Variants in MYLK2 observed in about 807,000 individuals in gnomAD.
MYLK2 encodes myosin light chain kinase 2.
Under a neutral mutation model 58.2 loss-of-function variants are expected in MYLK2, and 27 were observed. The ratio of observed to expected loss-of-function variants is 0.46; its 90% confidence interval spans 0.34 to 0.64. The LOEUF (loss-of-function observed/expected upper bound fraction) is 0.64, where lower values mean the gene tolerates loss of function less well. Among genes scored for constraint, MYLK2 ranks in the 30% least tolerant of loss-of-function variants. The probability of loss-of-function intolerance (pLI) is 0.01; values close to 1 mark genes in which losing one functional copy is unlikely to be tolerated. For missense variants in MYLK2, 676 were observed against 764.3 expected (o/e 0.88, Z 1.36); for synonymous variants, 310 against 296.7 (o/e 1.04, Z -0.46).
At chr20:31,831,190 C>A in intron 10 of MYLK2, 49 bp downstream of exon 10, 1 of 1,612,952 alleles carries the variant, frequency 6.2e-7, no homozygotes, top group South Asian at 1.1e-5. Context: ...GGCATGGGGG[C>A]GAGCGGCCGA....
chr20:31,831,014 T>C lies in MYLK2; in HGVS notation c.1297T>C (p.Tyr433His). The stretch of plus-strand genomic sequence containing the variant: ...CTCAGCCCTTGGTCTCACCCCCAGG[T>C]ATAACCCCAACGAGAAGCTGAAGGT... ...KIIDFGLARR[Y>H]NPNEKLKVNF... The change falls in exon 10 of 13, where the codon TAT becomes CAT. Residue 433 changes from tyrosine to histidine, a missense_variant and splice_region_variant. Physicochemically the swap from Tyr to His is moderately conservative, Grantham distance 83 (BLOSUM62 2). Transcript: ENST00000375985. 1 of 1,614,090 alleles carries C rather than the reference T, an allele frequency of 6.2e-7. No individual in the cohort carries two copies. Among genetic ancestry groups the C allele is most frequent in the Non-Finnish European group, 8.5e-7 (1 of 1,180,006 alleles).
chr20:31,833,664 A>T, intron 12 of MYLK2, 53 bp from the exon 13 acceptor site: 4 of 1,508,904 alleles, frequency 2.7e-6, no homozygotes, highest in Non-Finnish European at 2.8e-6. Flanking sequence ...GACACCCTGC[A>T]GCTGCCCCCC....
At chr20:31,826,199 G>A (rs2062278553) in intron 6 of MYLK2, among the ~76,000 whole-genome samples, 1 of 152,184 alleles carries the variant, frequency 6.6e-6, no homozygotes. Context: ...AGACAACTAA[G>A]GCAAGTAGAC....
At chr20:31,820,627 A>G (rs1244898384) in intron 3 of MYLK2, 81 bp downstream of exon 3, 1 of 1,517,948 alleles carries the variant, frequency 6.6e-7, no homozygotes, top group Non-Finnish European at 9.0e-7. Flanking sequence ...TGTCTTAGGC[A>G]TGGTTATCAT....
chr20:31,831,712 C>A lies in MYLK2; in HGVS notation c.1434C>A (p.Gly478=), dbSNP rs751850447. Residue 478 remains glycine, a synonymous_variant, in exon 11 of 13, where the codon GGC becomes GGA. Coordinates refer to ENST00000375985, the MANE Select transcript of MYLK2 (RefSeq NM_033118.4). ...TATCCCCTCCCTCTAGGCTGAGCGG[C>A]CTCTCCCCCTTCCTGGGAGATGATG... ...MGVITYMLLS[G]LSPFLGDDDT... The A allele has an allele frequency of 1.2e-6, 2 of 1,614,124 alleles. No individual in the cohort carries two copies. Among genetic ancestry groups the A allele is most frequent in the East Asian group, 2.2e-5 (1 of 44,868 alleles).
At chr20:31,824,692 G>A (rs2062269900) in intron 6 of MYLK2, 1 of 534,640 alleles carries the variant, frequency 1.9e-6, no homozygotes, top group Non-Finnish European at 2.4e-6. Flanking sequence ...AGTGAAGTGG[G>A]TGTGGTCTCC....
rs770118334 is a variant in MYLK2 at position 31,831,184 on chromosome 20, TG to T, written c.1424+48del. 1.4e-5 allele frequency: 22 copies of T among 1,613,380 alleles called. No homozygotes were observed. In the African/African-American group the frequency reaches 2.5e-4, roughly 19 times the overall value. ...TCGTGTTTATGGGGTTGGTGGGGCATGGGGGCGAGCGGCCGAGGCCAAGATT... is the reference window on the plus strand; with the variant it reads ...TCGTGTTTATGGGGTTGGTGGGGCATGGGGCGAGCGGCCGAGGCCAAGATT... On this transcript the variant is annotated intron_variant, in intron 10 of 12. Coordinates refer to ENST00000375985, the MANE Select transcript of MYLK2 (RefSeq NM_033118.4).
Position 31,824,282 on chromosome 20 carries a change from C to T in MYLK2, c.902C>T (p.Thr301Ile). 1 of 1,613,716 alleles carries T rather than the reference C, an allele frequency of 6.2e-7. No individual in the cohort carries two copies. Among genetic ancestry groups the T allele is most frequent in the South Asian group, 1.1e-5 (1 of 90,966 alleles). ...LGGGKFGAVC[T>I]CMEKATGLKL... ...AGTGGCAAGTTTGGGGCAGTCTGTA[C>T]CTGCATGGAGAAAGCCACAGGCCTC... is the stretch of plus-strand genomic sequence containing the variant. The change falls in exon 6 of 13, where the codon ACC becomes ATC. Residue 301 changes from threonine (T) to isoleucine (I), a missense_variant. This residue lies in a region of MYLK2 where 370 missense variants were observed against 467.8 expected (regional missense o/e 0.79). Transcript: ENST00000375985.
intron 6 of MYLK2, among the ~76,000 whole-genome samples, chr20:31,826,026 G>A (rs1485862638): frequency 1.3e-5 from 2 of 152,180 alleles, no homozygotes; most frequent in Admixed American, 1.3e-4. Flanking sequence ...GAGGGCGCGA[G>A]AGTAAGGGAA....
chr20:31,829,883 C>A (rs1317208843), intron 8 of MYLK2, among the ~76,000 whole-genome samples: 1 of 152,224 alleles, frequency 6.6e-6, no homozygotes, highest in East Asian at 1.9e-4. Context: ...CTTACAGTAA[C>A]GTCATCCATG....
intron 6 of MYLK2, among the ~76,000 whole-genome samples, chr20:31,826,045 G>A (rs761067507): frequency 2.0e-5 from 3 of 152,130 alleles, no homozygotes; most frequent in African/African-American, 4.8e-5. Context: ...AAGAACTTAG[G>A]ATGGCTCGTA....
At chr20:31,828,370 G>A (rs1170681203) in intron 8 of MYLK2, 13 of 985,268 alleles carry the variant, frequency 1.3e-5, no homozygotes, top group African/African-American at 1.0e-4. Flanking sequence ...GTGGAGGCGC[G>A]TGAGCACCCA....
chr20:31,819,381 C>T lies in MYLK2; in HGVS notation c.-96C>T. 1.5e-6 allele frequency: 1 copy of T among 677,516 alleles called. No homozygotes were observed. The highest frequency in any genetic ancestry group is 2.6e-6 in the Non-Finnish European group (1 of 383,186). 42.0% of individuals were successfully genotyped at this position (677,516 alleles called of 1,614,324 possible). On this transcript the variant is annotated 5_prime_UTR_variant, in exon 1 of 13. Coordinates refer to ENST00000375985, the MANE Select transcript of MYLK2 (RefSeq NM_033118.4). Reference sequence around the variant, plus strand: ...ACAACTGCCCAGGACTGCTCCTGAGCAGCCGCTGGGAGACAGACGGCAACC... The same window carrying T: ...ACAACTGCCCAGGACTGCTCCTGAGTAGCCGCTGGGAGACAGACGGCAACC...
chr20:31,823,949 C>T (rs1431588272), intron 5 of MYLK2: 4 of 985,338 alleles, frequency 4.1e-6, no homozygotes, highest in Non-Finnish European at 4.8e-6. Context: ...AAGGTGCCCT[C>T]CCCCAGGGCC....
chr20:31,820,536 A>G lies in MYLK2; in HGVS notation c.463A>G (p.Ile155Val), dbSNP rs140233643. 12 of 1,600,998 alleles carry G rather than the reference A, an allele frequency of 7.5e-6. 1 individual carries two copies. The highest frequency in any genetic ancestry group is 4.4e-5 in the South Asian group (4 of 91,084). ...TCTGCATAGCCCCAGCTGTCCTGCC[A>G]TCATCTCCAGGTGAATATCCCCTCC... is the stretch of plus-strand genomic sequence containing the variant. ...AFLHSPSCPA[I>V]ISSSEKLLAK... The change falls in exon 3 of 13, where the codon ATC becomes GTC. Residue 155 changes from isoleucine to valine, a missense_variant. Ile to Val is a conservative substitution (Grantham distance 29, BLOSUM62 3). Around this residue, in one of 2 missense-constraint regions of MYLK2, gnomAD observed 306 missense variants for 296.5 expected, o/e 1.03. Transcript: ENST00000375985.
intron 12 of MYLK2, among the ~76,000 whole-genome samples, chr20:31,832,619 A>T (rs2062312836): frequency 6.6e-6 from 1 of 151,958 alleles, no homozygotes; most frequent in South Asian, 2.1e-4. Flanking sequence ...CAGCCTTCCA[A>T]GTAGCTGGGA....
rs1379600137 is a variant in MYLK2 at position 31,820,335 on chromosome 20, G to A, written c.262G>A (p.Glu88Lys). 6.2e-7 allele frequency: 1 copy of A among 1,613,002 alleles called. No homozygotes were observed. Among genetic ancestry groups the A allele is most frequent in the Admixed American group, 1.7e-5 (1 of 60,028 alleles). Reference protein sequence around the residue: ...GEGDRGGGPAEGSAGPPAALP... With the variant: ...GEGDRGGGPAKGSAGPPAALP... The stretch of plus-strand genomic sequence containing the variant: ...GGGTGACAGGGGCGGGGGGCCCGCG[G>A]AGGGCAGTGCTGGGCCCCCGGCAGC... Residue 88 changes from glutamate (E) to lysine (K), a missense_variant, in exon 3 of 13, where the codon GAG (glutamate) becomes AAG (lysine). By Grantham distance (56) the Glu-to-Lys change is moderately conservative. Coordinates refer to ENST00000375985, the MANE Select transcript of MYLK2 (RefSeq NM_033118.4).
rs1284331154 is a variant in MYLK2 at position 31,833,847 on chromosome 20, G to C, written c.*50G>C. On this transcript the variant is annotated 3_prime_UTR_variant, in exon 13 of 13. Transcript: ENST00000375985. ...ACGCAGCCACACAGTGGCCGGGGCT[G>C]AAGCCACACAGCCCAGAAGGCCAGA... The C allele has an allele frequency of 6.5e-7, 1 of 1,549,160 alleles. No individual in the cohort carries two copies. Among genetic ancestry groups the C allele is most frequent in the Non-Finnish European group, 8.9e-7 (1 of 1,129,202 alleles).
chr20:31,819,739 C>A, intron 2 of MYLK2, 107 bp downstream of exon 2: 1 of 1,350,678 alleles, frequency 7.4e-7, no homozygotes, highest in Non-Finnish European at 1.0e-6. Context: ...GCCTTGTTTG[C>A]ATGGTGCACG....
Sources: gnomAD v4.1 joint callset for allele counts (sites outside exome capture counted in the v4.1 genomes callset) on GRCh38, gnomAD v4.1.1 for gene constraint, gnomAD v4.1.1 regional missense constraint, MANE v1.5 for transcripts, NCBI Gene and HGNC (gene_info 2026-07-23, HGNC 2026-07-21) for gene names.